Variants in TMEM120B observed in about 807,000 individuals in gnomAD.
TMEM120B encodes the protein transmembrane protein 120B.
In TMEM120B, 31 loss-of-function variants were observed where a neutral mutation model predicts 55.5. The ratio of observed to expected loss-of-function variants is 0.56; its 90% CI spans 0.42 to 0.75. The LOEUF is 0.75. TMEM120B is among the 30% of genes least tolerant of loss of function. The pLI is 0.00. For missense variants in TMEM120B, 399 were observed against 425.5 expected, an observed-to-expected ratio of 0.94 and a Z score of 0.55; for synonymous variants, 203 against 176.3, an observed-to-expected ratio of 1.15 and a Z score of -1.20.
chr12:121,742,895 A>G (rs898078757), intron 1 of TMEM120B, among the ~76,000 whole-genome samples: 4 of 152,020 alleles, frequency 2.6e-5, no homozygotes, highest in Non-Finnish European at 5.9e-5. Context: ...TTTTAATGTC[A>G]TGGTCTTCAT....
At position 121,750,440 on chromosome 12, in the gene TMEM120B, G is replaced by GT; in HGVS notation, c.365+2dup. ...TGACCCTCCTCAGCAACCAGGCCAA[G>GT]TAAGTGTCCCCCACCCACCACCCAG... On this transcript the variant is annotated splice_donor_variant, in intron 4 of 11. Transcript: ENST00000449592. LOFTEE classifies it high-confidence loss of function. The GT allele has an allele frequency of 6.2e-7, 1 of 1,610,934 alleles. No homozygotes were observed.
At chr12:121,724,375 T>G (rs1419204591) in intron 1 of TMEM120B, among the ~76,000 whole-genome samples, 1 of 152,046 alleles carries the variant, frequency 6.6e-6, no homozygotes, top group East Asian at 1.9e-4. Context: ...GGTTTCACCA[T>G]GTTGGTCAGG....
At chr12:121,750,548 A>C in intron 4 of TMEM120B, 109 bp downstream of exon 4, 1 of 753,172 alleles carries the variant, frequency 1.3e-6, no homozygotes, top group Non-Finnish European at 2.2e-6. Context: ...CCACACCCAC[A>C]CCAACACCCC....
At position 121,781,227 on chromosome 12, in the gene TMEM120B, C is replaced by T. The variant is rs1458046664; in HGVS notation, c.*5505C>T. 1.3e-6 allele frequency: 2 copies of T among 1,590,432 alleles called. No homozygotes were observed. The highest frequency in any genetic ancestry group is 2.2e-5 in the East Asian group (1 of 44,742). ...CAGAGCAGCGGGGGTCAGGGGACGT[C>T]CCCTCCCTGTCTGGACTCTGACGGG... On this transcript the variant is annotated 3_prime_UTR_variant, in exon 12 of 12. Coordinates refer to ENST00000449592, the MANE Select transcript of TMEM120B (RefSeq NM_001080825.2).
chr12:121,773,475 G>A lies in TMEM120B; in HGVS notation c.734G>A (p.Arg245Gln), dbSNP rs1326563952. 6.2e-6 allele frequency: 10 copies of A among 1,606,570 alleles called. No homozygotes were observed. Among genetic ancestry groups the A allele is most frequent in the Middle Eastern group, 1.7e-4 (1 of 6,006 alleles). ...CAGAGGGGCTGCCTCTACCGGCTGC[G>A]GGCCCTGGGGGAGAGGAACCACCTG... ...YYQRGCLYRL[R>Q]ALGERNHLDL... Residue 245 changes from arginine to glutamine, a missense_variant, in exon 9 of 12, where the codon CGG becomes CAG. Physicochemically the swap from Arg to Gln is conservative, Grantham distance 43. Coordinates refer to ENST00000449592, the MANE Select transcript of TMEM120B (RefSeq NM_001080825.2).
intron 2 of TMEM120B, among the ~76,000 whole-genome samples, chr12:121,744,551 TG>T (rs1873027290): frequency 6.6e-6 from 1 of 152,068 alleles, no homozygotes; most frequent in African/African-American, 2.4e-5. Context: ...CCATCCCTGG[TG>T]GAGATGTGCT....
At chr12:121,764,953 C>T (rs1015224124) in intron 6 of TMEM120B, among the ~76,000 whole-genome samples, 2 of 151,998 alleles carry the variant, frequency 1.3e-5, no homozygotes, top group Admixed American at 6.6e-5. Flanking sequence ...GATGGTTGTC[C>T]CTGAGCTTGC....
chr12:121,770,367 C>T (rs985390820), intron 6 of TMEM120B, among the ~76,000 whole-genome samples: 9 of 152,118 alleles, frequency 5.9e-5, no homozygotes, highest in African/African-American at 2.2e-4. Flanking sequence ...ACCTCAGTCC[C>T]CTCTTCAAAG....
rs59641582 is a variant in TMEM120B at position 121,779,950 on chromosome 12, G to GGT, written c.*4231_*4232dup. 0.98 allele frequency: 366,111 copies of GGT among 372,916 alleles called. 180,097 individuals are homozygous for GGT. Among genetic ancestry groups the GGT allele is most frequent in the East Asian group, 1 (23,564 of 23,564 alleles). 23.1% of individuals were successfully genotyped at this position (372,916 alleles called of 1,614,324 possible). A position where few individuals can be genotyped will look rare whatever the true frequency, so the allele number is the denominator to read the frequency against. On this transcript the variant is annotated 3_prime_UTR_variant, in exon 12 of 12. Coordinates refer to ENST00000449592, the MANE Select transcript of TMEM120B (RefSeq NM_001080825.2). Reference sequence around the variant, plus strand: ...CTGAGACCCGGGGTTGGTTCCCCCAGGTGTCTCCCAGGCCTGTGAGAAGAG... The same window carrying GGT: ...CTGAGACCCGGGGTTGGTTCCCCCAGGTGTGTCTCCCAGGCCTGTGAGAAGAG...
At chr12:121,752,612 G>A (rs1873365203) in intron 5 of TMEM120B, among the ~76,000 whole-genome samples, 1 of 152,054 alleles carries the variant, frequency 6.6e-6, no homozygotes, top group Non-Finnish European at 1.5e-5. Context: ...AATTAGCCAG[G>A]CATGGTGGAG....
At position 121,770,916 on chromosome 12, in the gene TMEM120B, C is replaced by T; in HGVS notation, c.561C>T (p.Gly187=). The part of the protein sequence containing the change: ...ILISNGSRIK[G]WWVSHHYVST... ...CTCTCCCTCTCCCGAGAATTAAAGGCTGGTGGGTGTCTCACCACTACGTCT... is the reference window on the plus strand; with the variant it reads ...CTCTCCCTCTCCCGAGAATTAAAGGTTGGTGGGTGTCTCACCACTACGTCT... The change falls in exon 7 of 12, where the codon GGC becomes GGT. Residue 187 remains glycine, a synonymous_variant. Coordinates refer to ENST00000449592, the MANE Select transcript of TMEM120B (RefSeq NM_001080825.2). 1.2e-6 allele frequency: 2 copies of T among 1,614,136 alleles called. No homozygotes were observed. Among genetic ancestry groups the T allele is most frequent in the Non-Finnish European group, 1.7e-6 (2 of 1,179,994 alleles).
At chr12:121,765,129 C>CTTTTT (rs775861260) in intron 6 of TMEM120B, among the ~76,000 whole-genome samples, 46 of 133,690 alleles carry the variant, frequency 3.4e-4, no homozygotes, top group African/African-American at 1.0e-3. Flanking sequence ...TCTTTTCTTT[C>CTTTTT]TTTTTTTTTT....
chr12:121,775,997 C>G lies in TMEM120B; in HGVS notation c.*275C>G, dbSNP rs1311455034. 3.4e-6 allele frequency: 2 copies of G among 593,252 alleles called. No individual in the cohort carries two copies. The highest frequency in any genetic ancestry group is 4.1e-5 in the South Asian group (2 of 48,856). The allele number at this position is 593,252 out of a possible 1,614,324, so 36.7% of individuals were successfully genotyped here. A position where few individuals can be genotyped will look rare whatever the true frequency, so the allele number is the denominator to read the frequency against. On this transcript the variant is annotated 3_prime_UTR_variant, in exon 12 of 12. Transcript: ENST00000449592. The surrounding 1 kb of genome is among the most constrained non-coding windows in gnomAD (Gnocchi z 4.3). ...AGGTGGCTGAGGCCGGGCCAGTCTT[C>G]CTGGGGATGGGGCCTGAAGCCTCAG...
At chr12:121,760,899 GT>G (rs1258441354) in intron 5 of TMEM120B, among the ~76,000 whole-genome samples, 3 of 152,154 alleles carry the variant, frequency 2.0e-5, no homozygotes, top group Non-Finnish European at 2.9e-5. Context: ...ATGTAACAAA[GT>G]TTACAGATGC....
At chr12:121,731,080 T>G (rs1894994425) in intron 1 of TMEM120B, among the ~76,000 whole-genome samples, 1 of 151,172 alleles carries the variant, frequency 6.6e-6, no homozygotes, top group Non-Finnish European at 1.5e-5. Flanking sequence ...GAAGGTGAAA[T>G]GGGGAATTAT....
At chr12:121,714,373 A>G (rs1894655747) in intron 1 of TMEM120B, among the ~76,000 whole-genome samples, 1 of 151,610 alleles carries the variant, frequency 6.6e-6, no homozygotes, top group African/African-American at 2.4e-5. Flanking sequence ...TCTCTGCCTC[A>G]GCCTCCTGAG....
intron 5 of TMEM120B, among the ~76,000 whole-genome samples, chr12:121,757,149 G>GC (rs955223997): frequency 2.0e-5 from 3 of 151,058 alleles, no homozygotes; most frequent in African/African-American, 7.3e-5. Context: ...GTGGGGGGGG[G>GC]GGGTGTCACT....
intron 2 of TMEM120B, among the ~76,000 whole-genome samples, chr12:121,745,307 T>G (rs1327599576): frequency 6.6e-6 from 1 of 152,240 alleles, no homozygotes; most frequent in Non-Finnish European, 1.5e-5. Flanking sequence ...GGTCGACTGC[T>G]TATGCTTTCA....
chr12:121,771,484 C>T lies in TMEM120B; in HGVS notation c.618-4C>T, dbSNP rs1205768882. The stretch of plus-strand genomic sequence containing the variant: ...ACCTTTGTTTTTTCCTACCTTCTCT[C>T]CAGGCCTAATGGACCCATTTATCAG... On this transcript the variant is annotated splice_region_variant and splice_polypyrimidine_tract_variant and intron_variant, in intron 7 of 11. Transcript: ENST00000449592. 2 of 1,613,744 alleles carry T rather than the reference C, an allele frequency of 1.2e-6. No individual in the cohort carries two copies. Among genetic ancestry groups the T allele is most frequent in the Non-Finnish European group, 1.7e-6 (2 of 1,179,804 alleles).
Sources: allele counts gnomAD v4.1 joint callset (sites outside exome capture counted in the v4.1 genomes callset), GRCh38; gene constraint gnomAD v4.1.1; non-coding constraint Gnocchi (gnomAD v3.1); transcripts MANE v1.5; gene names NCBI Gene and HGNC (gene_info 2026-07-23, HGNC 2026-07-21).